The following OPCML variants were observed in gnomAD, a reference collection of about 807,000 sequenced individuals.
OPCML encodes opioid-binding protein/cell adhesion molecule.
OPCML carries 13 observed loss-of-function variants against 37.8 expected under a neutral mutation model. The ratio of observed to expected loss-of-function variants is 0.34; its 90% CI spans 0.22 to 0.55. OPCML has a LOEUF of 0.55. OPCML is among the 20% of genes least tolerant of loss of function. The probability of loss-of-function intolerance (pLI) is 0.91; values close to 1 mark genes in which losing one functional copy is unlikely to be tolerated. For missense variants in OPCML, 341 were observed against 435.6 expected (o/e 0.78, Z 1.93); for synonymous variants, 176 against 168.8 (o/e 1.04, Z -0.33).
intron 3 of OPCML, among the ~76,000 whole-genome samples, chr11:132,635,414 G>T (rs1005518118): frequency 6.6e-6 from 1 of 151,744 alleles, no homozygotes; most frequent in African/African-American, 2.4e-5. Context: ...AGGAATGATC[G>T]ATGGCTTATA....
chr11:133,027,490 T>TATTG (rs765364020), intron 1 of OPCML, among the ~76,000 whole-genome samples: 2 of 110,864 alleles, frequency 1.8e-5, no homozygotes, highest in Non-Finnish European at 4.3e-5. Flanking sequence ...TGTGTGTGTG[T>TATTG]TGTGTGTGTG....
chr11:132,871,015 T>A (rs1167910081), intron 2 of OPCML, among the ~76,000 whole-genome samples: 1 of 152,126 alleles, frequency 6.6e-6, no homozygotes, highest in African/African-American at 2.4e-5. Flanking sequence ...TAACAATGTT[T>A]CCTGTTCCTG....
intron 3 of OPCML, among the ~76,000 whole-genome samples, chr11:132,529,787 ACT>A: frequency 6.6e-6 from 1 of 152,084 alleles, no homozygotes; most frequent in East Asian, 1.9e-4. Context: ...AAATTTTCTG[ACT>A]CTCTTGATAG....
intron 2 of OPCML, among the ~76,000 whole-genome samples, chr11:132,929,228 A>G (rs889943719): frequency 2.6e-5 from 4 of 151,982 alleles, no homozygotes; most frequent in African/African-American, 7.2e-5. Flanking sequence ...AGAAAAAAAT[A>G]AAATTCAAAT....
chr11:132,845,638 C>G (rs1253535068), intron 2 of OPCML, among the ~76,000 whole-genome samples: 1 of 152,174 alleles, frequency 6.6e-6, no homozygotes, highest in East Asian at 1.9e-4. Flanking sequence ...TTCTCTCACT[C>G]TGTCCTGTCT....
At chr11:132,567,217 TC>T (rs1449093017) in intron 3 of OPCML, among the ~76,000 whole-genome samples, 12 of 152,088 alleles carry the variant, frequency 7.9e-5, no homozygotes, top group Admixed American at 2.0e-4. Context: ...TTTTATCGCT[TC>T]CCAGTTCTCA....
At position 133,499,895 on chromosome 11, in the gene OPCML, G is replaced by A. The variant is rs568011188; in HGVS notation, c.61+32369C>T. Among the ~76,000 whole-genome samples the A allele has an allele frequency of 5.2e-3, 715 of 137,942 alleles. 13 individuals are homozygous for A. Among genetic ancestry groups the A allele is most frequent in the African/African-American group, 0.019 (684 of 36,354 alleles). The allele number at this position is 137,942 out of a possible 152,430, so 90.5% of individuals were successfully genotyped here. On this transcript the variant is annotated intron_variant, in intron 1 of 7. Transcript: ENST00000524381. Reference sequence around the variant, plus strand: ...ATATATTTTTTTTTTTTTTTGAAAGGGAGTCTCACTCTGTTGCCCAGGCTG... The same window carrying A: ...ATATATTTTTTTTTTTTTTTGAAAGAGAGTCTCACTCTGTTGCCCAGGCTG...
intron 1 of OPCML, among the ~76,000 whole-genome samples, chr11:133,001,356 T>A (rs1351227390): frequency 6.6e-6 from 1 of 152,162 alleles, no homozygotes; most frequent in Non-Finnish European, 1.5e-5. Flanking sequence ...TGAACCTTTA[T>A]AACAAAAGAA....
chr11:133,397,696 A>G (rs890913692), intron 1 of OPCML, among the ~76,000 whole-genome samples: 2 of 152,262 alleles, frequency 1.3e-5, no homozygotes, highest in African/African-American at 4.8e-5. Context: ...CCGAGACAGC[A>G]TTTTCCTTGG....
chr11:133,158,708 T>TAAAAAAAAA (rs1387266864), intron 1 of OPCML, among the ~76,000 whole-genome samples: 3 of 108,966 alleles, frequency 2.8e-5, no homozygotes, highest in Admixed American at 9.5e-5. Context: ...AAAAATAAAA[T>TAAAAAAAAA]TAAAAAAATA....
At chr11:132,820,186 A>G (rs888395599) in intron 2 of OPCML, among the ~76,000 whole-genome samples, 1 of 152,202 alleles carries the variant, frequency 6.6e-6, no homozygotes, top group Admixed American at 6.5e-5. Context: ...AGGAGCCCGT[A>G]AAAGTAAGGT....
chr11:132,427,359 T>TA (rs1169631703), intron 7 of OPCML, among the ~76,000 whole-genome samples: 9 of 152,188 alleles, frequency 5.9e-5, no homozygotes, highest in Admixed American at 5.9e-4. Flanking sequence ...GAAATCTAAT[T>TA]AGATGATGTA....
At chr11:133,066,279 C>G (rs1252040521) in intron 1 of OPCML, 1 of 152,242 alleles carries the variant, frequency 6.6e-6, no homozygotes, top group African/African-American at 2.4e-5. Flanking sequence ...AGCCACTTCC[C>G]CAATTGCAGA....
intron 1 of OPCML, among the ~76,000 whole-genome samples, chr11:133,188,899 G>T (rs371104146): frequency 2.6e-5 from 4 of 152,174 alleles, no homozygotes; most frequent in South Asian, 4.2e-4. Context: ...CTCACAGAAG[G>T]CTGGTTTAGT....
At chr11:132,658,871 T>A (rs1442825336) in intron 2 of OPCML, among the ~76,000 whole-genome samples, 1 of 152,228 alleles carries the variant, frequency 6.6e-6, no homozygotes, top group Non-Finnish European at 1.5e-5. Context: ...TACACATGCA[T>A]GAACTTGTAT....
chr11:133,125,733 T>G (rs573189690), intron 1 of OPCML, among the ~76,000 whole-genome samples: 3 of 54,382 alleles, frequency 5.5e-5, no homozygotes, highest in Admixed American at 2.0e-4. Flanking sequence ...ATAGTATATA[T>G]AGTATATATA....
intron 1 of OPCML, among the ~76,000 whole-genome samples, chr11:133,261,353 C>T (rs544847576): frequency 1.3e-5 from 2 of 152,124 alleles, no homozygotes; most frequent in Non-Finnish European, 2.9e-5. Context: ...AATGTCTGTC[C>T]CCCCCATCTT....
chr11:132,480,932 C>T (rs1020635521), intron 4 of OPCML, among the ~76,000 whole-genome samples: 1 of 151,842 alleles, frequency 6.6e-6, no homozygotes, highest in Admixed American at 6.6e-5. Flanking sequence ...AATGTAAAGA[C>T]CATCGAGACT....
chr11:132,839,693 ACT>A (rs550438547), intron 2 of OPCML, among the ~76,000 whole-genome samples: 2 of 151,770 alleles, frequency 1.3e-5, no homozygotes, highest in Admixed American at 6.6e-5. Context: ...CCTCCCTCTC[ACT>A]CTCTGAATAA....
Sources: allele counts gnomAD v4.1 joint callset (sites outside exome capture counted in the v4.1 genomes callset), GRCh38; gene constraint gnomAD v4.1.1; transcripts MANE v1.5; gene names NCBI Gene and HGNC (gene_info 2026-07-23, HGNC 2026-07-21).